The following GPC5 variants were observed in gnomAD, a reference collection of about 807,000 sequenced individuals.
GPC5 encodes glypican 5, also known as glypican-5.
In GPC5, 47 loss-of-function variants were observed where a neutral mutation model predicts 53.9. That is an observed-to-expected ratio of 0.87 (90% CI 0.69 to 1.11). The LOEUF (loss-of-function observed/expected upper bound fraction) is 1.11. Ranked by LOEUF, GPC5 falls within the 50% of genes most tolerant of loss-of-function variation. The probability of loss-of-function intolerance (pLI) is 0.00; values close to 1 mark genes in which losing one functional copy is unlikely to be tolerated. For synonymous variants in GPC5, 286 were observed against 263.3 expected (o/e 1.09, Z -0.84); for missense variants, 748 against 713.1 (o/e 1.05, Z -0.56).
chr13:91,539,663 A>C (rs1220439105), intron 2 of GPC5, among the ~76,000 whole-genome samples: 1 of 152,144 alleles, frequency 6.6e-6, no homozygotes, highest in Non-Finnish European at 1.5e-5. Flanking sequence ...AGAGTGAAGA[A>C]GGTGGGCCTA....
At chr13:91,583,725 C>A (rs1023454363) in intron 2 of GPC5, among the ~76,000 whole-genome samples, 1 of 152,090 alleles carries the variant, frequency 6.6e-6, no homozygotes, top group Non-Finnish European at 1.5e-5. Context: ...CTTACACTTT[C>A]TGATATCAAG....
chr13:92,137,083 A>G (rs1219735799), intron 6 of GPC5, among the ~76,000 whole-genome samples: 1 of 151,864 alleles, frequency 6.6e-6, no homozygotes, highest in South Asian at 2.1e-4. Context: ...TCCTGTCCTC[A>G]CTTTGTTGGT....
intron 6 of GPC5, among the ~76,000 whole-genome samples, chr13:92,130,076 A>C (rs2041730722): frequency 6.6e-6 from 1 of 152,138 alleles, no homozygotes; most frequent in Non-Finnish European, 1.5e-5. Context: ...GAGCACAGAT[A>C]AGTATTCCAA....
At chr13:91,669,607 T>C (rs1041043293) in intron 2 of GPC5, among the ~76,000 whole-genome samples, 2 of 152,146 alleles carry the variant, frequency 1.3e-5, no homozygotes, top group African/African-American at 4.8e-5. Context: ...ACAGCTGAAA[T>C]GGCAGGGTAG....
Position 91,846,185 on chromosome 13 carries a change from C to A in GPC5, c.1281-61752C>A, listed in dbSNP as rs576380806. 2.6e-5 allele frequency among the ~76,000 whole-genome samples: 4 copies of A among 152,164 alleles called. No individual in the cohort carries two copies. In the East Asian group the frequency reaches 7.7e-4, roughly 29 times the overall value. ...TTACATATCCCCTAGTTTATATACCCTGGCATGCCCATATGACCTGCTAAA... is the reference window on the plus strand; with the variant it reads ...TTACATATCCCCTAGTTTATATACCATGGCATGCCCATATGACCTGCTAAA... On this transcript the variant is annotated intron_variant, in intron 5 of 7. Coordinates refer to ENST00000377067, the MANE Select transcript of GPC5 (RefSeq NM_004466.6).
At chr13:91,715,219 G>A (rs766672590) in intron 3 of GPC5, among the ~76,000 whole-genome samples, 10 of 152,146 alleles carry the variant, frequency 6.6e-5, no homozygotes, top group Non-Finnish European at 1.2e-4. Context: ...CCCTGTTTTA[G>A]CTAGTTGTTA....
intron 7 of GPC5, among the ~76,000 whole-genome samples, chr13:92,347,870 A>AT (rs2043429735): frequency 1.3e-4 from 1 of 7,928 alleles, no homozygotes; most frequent in African/African-American, 1.2e-3. Flanking sequence ...TATATTATAT[A>AT]TATAATATAT....
At chr13:92,836,983 A>T (rs192958433) in intron 7 of GPC5, among the ~76,000 whole-genome samples, 143 of 152,218 alleles carry the variant, frequency 9.4e-4, no homozygotes, top group African/African-American at 3.3e-3. Flanking sequence ...TAAAAATATT[A>T]AAAGGATTCA....
intron 5 of GPC5, among the ~76,000 whole-genome samples, chr13:91,799,523 A>C (rs1327554579): frequency 6.6e-6 from 1 of 151,762 alleles, no homozygotes; most frequent in African/African-American, 2.4e-5. Context: ...AAATTTCAAA[A>C]TTTATTTACC....
intron 7 of GPC5, among the ~76,000 whole-genome samples, chr13:92,715,760 C>A (rs1380605738): frequency 6.6e-6 from 1 of 152,128 alleles, no homozygotes; most frequent in Non-Finnish European, 1.5e-5. Flanking sequence ...CTAGAGTTTA[C>A]ATGGAAGCAG....
chr13:92,672,551 T>C (rs1566356349), intron 7 of GPC5, among the ~76,000 whole-genome samples: 1 of 152,104 alleles, frequency 6.6e-6, no homozygotes, highest in African/African-American at 2.4e-5. Flanking sequence ...CAAAGGAATA[T>C]AAATCATTAT....
intron 7 of GPC5, among the ~76,000 whole-genome samples, chr13:92,153,654 A>T (rs1406663471): frequency 1.3e-5 from 2 of 152,174 alleles, no homozygotes; most frequent in Non-Finnish European, 2.9e-5. Context: ...CCACAAAACA[A>T]AAGATTATGT....
intron 7 of GPC5, among the ~76,000 whole-genome samples, chr13:92,519,614 G>C: frequency 6.6e-6 from 1 of 152,098 alleles, no homozygotes. Flanking sequence ...GAATCTCTGG[G>C]GCACATTCAA....
chr13:91,868,615 G>A (rs1040276253), intron 5 of GPC5, among the ~76,000 whole-genome samples: 3 of 152,130 alleles, frequency 2.0e-5, no homozygotes, highest in African/African-American at 7.2e-5. Context: ...TGACAAGGGA[G>A]GATCTCCTGA....
chr13:91,822,829 C>CAA (rs1555288654), intron 5 of GPC5, among the ~76,000 whole-genome samples: 1 of 152,070 alleles, frequency 6.6e-6, no homozygotes, highest in African/African-American at 2.4e-5. Context: ...TGCACTCTAT[C>CAA]AATATCACAT....
At chr13:92,106,093 C>G (rs954746452) in intron 6 of GPC5, among the ~76,000 whole-genome samples, 14 of 152,050 alleles carry the variant, frequency 9.2e-5, no homozygotes, top group East Asian at 7.7e-4. Context: ...CTTTTCAATC[C>G]ATTTTATGCT....
chr13:92,833,031 A>AAAAG (rs1878102961), intron 7 of GPC5, among the ~76,000 whole-genome samples: 2 of 152,154 alleles, frequency 1.3e-5, no homozygotes, highest in Non-Finnish European at 2.9e-5. Flanking sequence ...AAACAAAAAA[A>AAAAG]TACCCACAAT....
chr13:92,487,856 A>AGT, intron 7 of GPC5, among the ~76,000 whole-genome samples: 1 of 73,392 alleles, frequency 1.4e-5, no homozygotes, highest in African/African-American at 1.0e-4. Flanking sequence ...AAAAAAAAAA[A>AGT]AAAAGAAAGT....
rs767688589 is a variant in GPC5 at position 91,728,676 on chromosome 13, T to A, written c.1154+11T>A. 1 of 1,605,670 alleles carries A rather than the reference T, an allele frequency of 6.2e-7. No homozygotes were observed. The highest frequency in any genetic ancestry group is 8.5e-7 in the Non-Finnish European group (1 of 1,176,404). On this transcript the variant is annotated intron_variant, in intron 4 of 7. Coordinates refer to ENST00000377067, the MANE Select transcript of GPC5 (RefSeq NM_004466.6). ...TGCCAACAGAAGAAAGTAAGACATT[T>A]GTTTTACAACCAGAAAGAGAAAAGA...
Sources: allele counts gnomAD v4.1 joint callset (sites outside exome capture counted in the v4.1 genomes callset), GRCh38; gene constraint gnomAD v4.1.1; transcripts MANE v1.5; gene names NCBI Gene and HGNC (gene_info 2026-07-23, HGNC 2026-07-21).